L3MBTL4: variants seen among roughly 807,000 people sequenced by gnomAD.
L3MBTL4 encodes the protein lethal(3)malignant brain tumor-like protein 4.
Under a neutral mutation model 84.5 loss-of-function variants are expected in L3MBTL4, and 70 were observed. That is an observed-to-expected ratio of 0.83 (90% CI 0.68 to 1.01). The LOEUF is 1.01. L3MBTL4 is among the 50% of genes least tolerant of loss of function. The pLI is 0.00. For missense variants in L3MBTL4, 715 were observed against 754.8 expected (o/e 0.95, Z 0.62); for synonymous variants, 274 against 259.8 (o/e 1.05, Z -0.52).
chr18:6,121,232 T>C (rs2059514351), intron 14 of L3MBTL4, among the ~76,000 whole-genome samples: 1 of 152,222 alleles, frequency 6.6e-6, no homozygotes, highest in African/African-American at 2.4e-5. Context: ...TTTGGATTAT[T>C]GCCCTGGCAT....
chr18:6,314,685 A>G (rs940498440), intron 1 of L3MBTL4, among the ~76,000 whole-genome samples: 2 of 152,210 alleles, frequency 1.3e-5, no homozygotes, highest in Non-Finnish European at 1.5e-5. Flanking sequence ...GTTGCCAAAT[A>G]CTAAGGAGAT....
At chr18:6,159,631 C>G (rs73381973) in intron 13 of L3MBTL4, among the ~76,000 whole-genome samples, 1 of 152,218 alleles carries the variant, frequency 6.6e-6, no homozygotes, top group African/African-American at 2.4e-5. Flanking sequence ...ACGCGATGGT[C>G]CCTGCACGGG....
intron 1 of L3MBTL4, among the ~76,000 whole-genome samples, chr18:6,347,955 A>C (rs904920736): frequency 1.3e-5 from 2 of 152,056 alleles, no homozygotes; most frequent in African/African-American, 2.4e-5. Context: ...GAATTTACCA[A>C]AATTAATAAA....
At chr18:6,239,675 A>G (rs1426376032) in intron 9 of L3MBTL4, 43 bp downstream of exon 9, 2 of 1,588,864 alleles carry the variant, frequency 1.3e-6, no homozygotes, top group Non-Finnish European at 1.7e-6. Flanking sequence ...CTTAACATCA[A>G]ACATATGAAT....
chr18:6,318,273 G>A (rs555480049), intron 1 of L3MBTL4, among the ~76,000 whole-genome samples: 2 of 151,952 alleles, frequency 1.3e-5, no homozygotes, highest in East Asian at 3.9e-4. Flanking sequence ...AATGTTGAAA[G>A]TAAATGGTGT....
At chr18:6,211,216 T>C (rs1202283157) in intron 12 of L3MBTL4, among the ~76,000 whole-genome samples, 1 of 152,216 alleles carries the variant, frequency 6.6e-6, no homozygotes, top group Non-Finnish European at 1.5e-5. Context: ...TATGAAAATA[T>C]TTGAAAATAA....
chr18:6,062,098 G>T (rs1365977142), intron 16 of L3MBTL4, among the ~76,000 whole-genome samples: 1 of 151,616 alleles, frequency 6.6e-6, no homozygotes. Context: ...AGTAGTTCCG[G>T]GTTTCTGACC....
intron 11 of L3MBTL4, among the ~76,000 whole-genome samples, chr18:6,215,247 A>G (rs2046274673): frequency 6.6e-6 from 1 of 152,246 alleles, no homozygotes; most frequent in Non-Finnish European, 1.5e-5. Flanking sequence ...AAATTAATTT[A>G]TACTTAGTTC....
intron 4 of L3MBTL4, among the ~76,000 whole-genome samples, chr18:6,270,361 G>A (rs1420222202): frequency 1.3e-5 from 2 of 152,114 alleles, no homozygotes; most frequent in African/African-American, 4.8e-5. Context: ...GTCTCCCCAG[G>A]CAAAGCAGGT....
chr18:6,012,805 T>C (rs1227500058), intron 16 of L3MBTL4, among the ~76,000 whole-genome samples: 1 of 152,138 alleles, frequency 6.6e-6, no homozygotes, highest in African/African-American at 2.4e-5. Context: ...ACAAAAACTC[T>C]GTAAGAATCC....
intron 16 of L3MBTL4, among the ~76,000 whole-genome samples, chr18:6,071,683 G>A (rs960536772): frequency 2.1e-4 from 21 of 102,242 alleles, no homozygotes; most frequent in African/African-American, 1.3e-3. Flanking sequence ...AAAAGAAAGA[G>A]AGAAAGAAAG....
At chr18:5,993,827 T>C (rs970272562) in intron 16 of L3MBTL4, among the ~76,000 whole-genome samples, 2 of 152,208 alleles carry the variant, frequency 1.3e-5, no homozygotes, top group African/African-American at 4.8e-5. Flanking sequence ...AATAGTTTTA[T>C]TCAAATGGCA....
intron 16 of L3MBTL4, among the ~76,000 whole-genome samples, chr18:6,039,221 G>A (rs2056293052): frequency 6.6e-6 from 1 of 151,924 alleles, no homozygotes; most frequent in Non-Finnish European, 1.5e-5. Flanking sequence ...TGTTGATAAA[G>A]CCACCCAGAC....
At chr18:6,269,868 A>G (rs1215112959) in intron 4 of L3MBTL4, among the ~76,000 whole-genome samples, 1 of 152,250 alleles carries the variant, frequency 6.6e-6, no homozygotes, top group African/African-American at 2.4e-5. Context: ...GAAACTGCAC[A>G]GTACTTATCA....
chr18:6,157,254 C>G (rs936132003), intron 13 of L3MBTL4, among the ~76,000 whole-genome samples: 2 of 152,106 alleles, frequency 1.3e-5, no homozygotes, highest in Non-Finnish European at 2.9e-5. Flanking sequence ...ACTAAAGATT[C>G]CTTGTGAAAT....
intron 1 of L3MBTL4, among the ~76,000 whole-genome samples, chr18:6,323,858 C>T (rs1161299638): frequency 6.6e-6 from 1 of 152,188 alleles, no homozygotes; most frequent in African/African-American, 2.4e-5. Context: ...GGAGCCAGAT[C>T]CTAATAGCTA....
At chr18:6,090,972 C>T (rs545975832) in intron 15 of L3MBTL4, among the ~76,000 whole-genome samples, 2 of 152,056 alleles carry the variant, frequency 1.3e-5, no homozygotes, top group Non-Finnish European at 2.9e-5. Flanking sequence ...CTGATTTTCA[C>T]CAATTTAACC....
intron 1 of L3MBTL4, chr18:6,326,482 G>C (rs1433482023): frequency 2.0e-5 from 3 of 152,206 alleles, no homozygotes; most frequent in Non-Finnish European, 4.4e-5. Flanking sequence ...CAAAGTCCTG[G>C]GAAAGAGCAT....
In L3MBTL4 at chr18:6,125,049, T is replaced by C. The variant is rs76224868; in HGVS notation, c.1199+13145A>G. ...CTAATGACTTTGATAAGTAAGTAAA[T>C]GTAGGTTTAGAAACGCATCTGAAAA... On this transcript the variant is annotated intron_variant, in intron 14 of 18. Transcript: ENST00000317931. Among the ~76,000 whole-genome samples the C allele has an allele frequency of 5.9e-5, 9 of 152,268 alleles. No homozygotes were observed. The East Asian group carries it at 1.2e-3, about 20-fold the overall frequency.
Sources: gnomAD v4.1 joint callset for allele counts (sites outside exome capture counted in the v4.1 genomes callset) on GRCh38, gnomAD v4.1.1 for gene constraint, MANE v1.5 for transcripts, NCBI Gene and HGNC (gene_info 2026-07-23, HGNC 2026-07-21) for gene names.